The following SAMMSON variants were observed in gnomAD, a reference collection of about 807,000 sequenced individuals.
The protein encoded by SAMMSON is long intergenic non-protein coding RNA 1212.
chr3:70,391,537 A>G (rs1463524951), downstream of SAMMSON, among the ~76,000 whole-genome samples: 1 of 152,114 alleles, frequency 6.6e-6, no homozygotes, highest in African/African-American at 2.4e-5. Flanking sequence ...GAAGGCAGAA[A>G]TAGTCTGTAG....
chr3:70,270,198 A>C (rs1701963373), intron 6 of SAMMSON, among the ~76,000 whole-genome samples: 2 of 152,212 alleles, frequency 1.3e-5, no homozygotes, highest in Admixed American at 1.3e-4. Flanking sequence ...ACTTTGAAAA[A>C]AAGTGGTGGA....
At chr3:70,275,463 A>T (rs6549325) in intron 6 of SAMMSON, among the ~76,000 whole-genome samples, 151,723 of 152,362 alleles carry the variant, frequency 1, 75,550 homozygotes, top group East Asian at 1. Flanking sequence ...TGCACTGAGC[A>T]GTGATCATGC....
chr3:70,011,483 G>T (rs2097349365), intron 1 of SAMMSON, among the ~76,000 whole-genome samples: 1 of 151,938 alleles, frequency 6.6e-6, no homozygotes, highest in South Asian at 2.1e-4. Context: ...TTCAGAATGT[G>T]TATAATTTGT....
intron 4 of SAMMSON, among the ~76,000 whole-genome samples, chr3:70,161,001 A>G (rs2067612464): frequency 1.3e-5 from 2 of 152,060 alleles, no homozygotes; most frequent in South Asian, 4.1e-4. Context: ...AATACAATTT[A>G]GTTTTGTATG....
intron 4 of SAMMSON, among the ~76,000 whole-genome samples, chr3:70,242,306 C>A (rs1701672491): frequency 6.6e-6 from 1 of 152,146 alleles, no homozygotes; most frequent in Non-Finnish European, 1.5e-5. Context: ...GTGGGAAAAA[C>A]ACATAGTGAC....
intron 7 of SAMMSON, among the ~76,000 whole-genome samples, chr3:70,340,240 C>T (rs962363229): frequency 1.0e-4 from 6 of 57,322 alleles, no homozygotes; most frequent in Non-Finnish European, 1.6e-4. Context: ...TGAGGCCTGT[C>T]GTGGGTTGGG....
At chr3:70,108,441 T>TTTTTTTTTTTTTTTTTTTTTTTTTTA (rs1553715435) in intron 4 of SAMMSON, among the ~76,000 whole-genome samples, 2 of 146,346 alleles carry the variant, frequency 1.4e-5, no homozygotes, top group African/African-American at 5.2e-5. Flanking sequence ...TTTTTTTTTT[T>TTTTTTTTTTTTTTTTTTTTTTTTTTA]ATCATAACTC....
At position 70,376,112 on chromosome 3, in the gene SAMMSON, A is replaced by C. The variant is rs561020879; in HGVS notation, n.914-13462A>C. On this transcript the variant is annotated intron_variant and non_coding_transcript_variant, in intron 9 of 9. Coordinates refer to ENST00000642114, the Ensembl canonical transcript of SAMMSON. ...TTCCAATCTTTCATTTTCATACTGC[A>C]GAAGAATCAAAAGAAGATACATATT... Among the ~76,000 whole-genome samples, 60 of 152,304 alleles carry C rather than the reference A, an allele frequency of 3.9e-4. 1 individual carries two copies. Among genetic ancestry groups the C allele is most frequent in the Non-Finnish European group, 5.4e-4 (37 of 68,018 alleles).
chr3:70,283,860 T>C (rs916482646), intron 6 of SAMMSON: 5 of 152,012 alleles, frequency 3.3e-5, no homozygotes, highest in African/African-American at 1.2e-4. Flanking sequence ...GAGTACATAA[T>C]GTATTTTTAA....
At chr3:70,328,590 C>T (rs1259760716) in intron 7 of SAMMSON, among the ~76,000 whole-genome samples, 1 of 151,860 alleles carries the variant, frequency 6.6e-6, no homozygotes, top group African/African-American at 2.4e-5. Flanking sequence ...TATGAGTGAC[C>T]CTGGAAACCT....
At chr3:70,372,224 T>C (rs149626587) in intron 9 of SAMMSON, among the ~76,000 whole-genome samples, 1 of 152,094 alleles carries the variant, frequency 6.6e-6, no homozygotes. Context: ...TCAATTGATA[T>C]GATTCCATAA....
chr3:70,165,349 T>A (rs2067632720), intron 4 of SAMMSON, among the ~76,000 whole-genome samples: 1 of 151,978 alleles, frequency 6.6e-6, no homozygotes, highest in African/African-American at 2.4e-5. Context: ...TGAGGCCTTT[T>A]GGAGGTGCTT....
Position 70,408,170 on chromosome 3 carries a change from C to A in SAMMSON, n.233+49846C>A, listed in dbSNP as rs1455347912. On this transcript the variant is annotated intron_variant and non_coding_transcript_variant, in intron 2 of 3. Coordinates refer to the SAMMSON transcript ENST00000641053. ...GGGACCCTGGGCCCTGCCCATGAAA[C>A]CATTTTCTCCTAGGCCTGTGGGCCA... Among the ~76,000 whole-genome samples the A allele has an allele frequency of 5.3e-5, 8 of 152,192 alleles. No homozygotes were observed. In the East Asian group the frequency reaches 1.4e-3, roughly 26 times the overall value.
chr3:70,422,215 T>A (rs565640366), intron 2 of SAMMSON, among the ~76,000 whole-genome samples: 1 of 151,920 alleles, frequency 6.6e-6, no homozygotes, highest in African/African-American at 2.4e-5. Flanking sequence ...ATGAAAAAAA[T>A]TGTTATTCTT....
At chr3:70,157,018 A>G (rs1001321136) in intron 4 of SAMMSON, among the ~76,000 whole-genome samples, 1 of 152,090 alleles carries the variant, frequency 6.6e-6, no homozygotes, top group Non-Finnish European at 1.5e-5. Flanking sequence ...GTCAATATCT[A>G]CTAGTCTTGG....
At chr3:70,015,648 T>C (rs1219610672) in intron 3 of SAMMSON, among the ~76,000 whole-genome samples, 1 of 152,106 alleles carries the variant, frequency 6.6e-6, no homozygotes, top group Non-Finnish European at 1.5e-5. Context: ...ATGTGCAATG[T>C]TGGTGTGCTG....
intron 4 of SAMMSON, among the ~76,000 whole-genome samples, chr3:70,214,824 G>A (rs979204989): frequency 6.6e-6 from 1 of 151,906 alleles, no homozygotes; most frequent in Non-Finnish European, 1.5e-5. Flanking sequence ...TTTTTATGCA[G>A]TTACCTTCAG....
intron 4 of SAMMSON, chr3:70,094,595 T>C (rs1352984711): frequency 1.3e-5 from 2 of 152,224 alleles, no homozygotes; most frequent in Non-Finnish European, 2.9e-5. Flanking sequence ...AGGGCCTTTG[T>C]GTTTGCTATT....
rs1311808079 is a variant in SAMMSON, at chr3:70,097,821, G to T, written n.507+26256G>T. On this transcript the variant is annotated intron_variant and non_coding_transcript_variant, in intron 4 of 9. Coordinates refer to ENST00000642114, the Ensembl canonical transcript of SAMMSON. ...TCAAAACCCAGAACCGGGAGATAAG[G>T]TTTGAGAAATGGCTGAATGGGATAC... Among the ~76,000 whole-genome samples, 5 of 152,266 alleles carry T rather than the reference G, an allele frequency of 3.3e-5. No homozygotes were observed. In the East Asian group the frequency reaches 9.7e-4, roughly 29 times the overall value.
Sources: gnomAD v4.1 joint callset for allele counts (sites outside exome capture counted in the v4.1 genomes callset) on GRCh38, gnomAD v4.1.1 for gene constraint, MANE v1.5 for transcripts, NCBI Gene and HGNC (gene_info 2026-07-23, HGNC 2026-07-21) for gene names.